DNM1: variants seen among roughly 807,000 people sequenced by gnomAD.
DNM1 encodes dynamin-1.
DNM1 carries 29 observed loss-of-function variants against 104.6 expected under a neutral mutation model. That is an observed-to-expected ratio of 0.28 (90% CI 0.21 to 0.38). The LOEUF is 0.38. DNM1 is among the 10% of genes least tolerant of loss of function. The pLI, the probability that DNM1 is intolerant of heterozygous loss-of-function variation, is 1.00. For synonymous variants in DNM1, 445 were observed against 475.8 expected, an observed-to-expected ratio of 0.94 and a Z score of 0.84; for missense variants, 640 against 1,189.4, an observed-to-expected ratio of 0.54 and a Z score of 6.79.
At chr9:128,237,938 C>T (rs1366804089) in intron 11 of DNM1, among the ~76,000 whole-genome samples, 1 of 152,036 alleles carries the variant, frequency 6.6e-6, no homozygotes, top group African/African-American at 2.4e-5. Flanking sequence ...CTACACCTGG[C>T]TAATTTTTCT....
intron 11 of DNM1, among the ~76,000 whole-genome samples, chr9:128,238,208 CTGTT>C (rs59218725): frequency 0.14 from 21,351 of 151,362 alleles, 1,669 homozygotes; most frequent in Admixed American, 0.24. Flanking sequence ...TAAAAAGCCT[CTGTT>C]TGTTTGTTTG....
At chr9:128,204,870 C>CA (rs1305614897) in intron 1 of DNM1, 2 of 152,298 alleles carry the variant, frequency 1.3e-5, no homozygotes, top group East Asian at 3.9e-4. Context: ...GGTTCTGCTG[C>CA]AAAACCTCAG....
At position 128,250,019 on chromosome 9, in the gene DNM1, G is replaced by C. The variant is rs1829416740; in HGVS notation, c.2077-96G>C. ...GCAGTGTAGGAGCCGCGTCTGAAAA[G>C]CCACACCAGCTCACAGTCCCAGCAG... On this transcript the variant is annotated intron_variant, in intron 19 of 21. Transcript: ENST00000372923. 6 of 1,586,188 alleles carry C rather than the reference G, an allele frequency of 3.8e-6. No homozygotes were observed. In the Admixed American group the frequency reaches 5.1e-5, roughly 13 times the overall value.
At chr9:128,246,733 T>A (rs113630498) in intron 16 of DNM1, among the ~76,000 whole-genome samples, 8,511 of 138,594 alleles carry the variant, frequency 0.061, 361 homozygotes, top group East Asian at 0.21. Flanking sequence ...CCTTCCTCCC[T>A]TCCTTCCTTC....
intron 10 of DNM1, among the ~76,000 whole-genome samples, chr9:128,229,346 C>T (rs1329108200): frequency 6.6e-6 from 1 of 151,452 alleles, no homozygotes; most frequent in Admixed American, 6.6e-5. Context: ...CACTGCACTC[C>T]TGGGTTATTT....
At position 128,253,174 on chromosome 9, in the gene DNM1, G is replaced by C. The variant is rs576593397; in HGVS notation, c.2535-1480G>C. On this transcript the variant is annotated intron_variant, in intron 21 of 21. Coordinates refer to ENST00000372923, the MANE Select transcript of DNM1 (RefSeq NM_004408.4). This position sits in a 1 kb window ranked among gnomAD's most constrained non-coding sequence, Gnocchi z 5.9. ...CCTCACCGCCTGCTGCATGAACGGT[G>C]TGTCTGCCCCGCTGCACTAGCTCCA... The C allele has an allele frequency of 6.3e-7, 1 of 1,596,288 alleles. No homozygotes were observed. The highest frequency in any genetic ancestry group is 2.2e-5 in the East Asian group (1 of 44,832).
chr9:128,211,192 C>T (rs572954208), intron 1 of DNM1, among the ~76,000 whole-genome samples: 1 of 150,448 alleles, frequency 6.6e-6, no homozygotes, highest in Non-Finnish European at 1.5e-5. Context: ...AGTTTCCTCC[C>T]TTGCCCCCTA....
At chr9:128,250,051 G>A in intron 19 of DNM1, 64 bp from the exon 20 acceptor site, 1 of 1,612,022 alleles carries the variant, frequency 6.2e-7, no homozygotes. Flanking sequence ...GCAGGGCCCG[G>A]TGGGGCGGCC....
At position 128,248,359 on chromosome 9, in the gene DNM1, G is replaced by C. The variant is rs559339653; in HGVS notation, c.1906-224G>C. 2 of 541,160 alleles carry C rather than the reference G, an allele frequency of 3.7e-6. No individual in the cohort carries two copies. The highest frequency in any genetic ancestry group is 3.8e-5 in the African/African-American group (2 of 53,002). 33.5% of individuals were successfully genotyped at this position (541,160 alleles called of 1,614,324 possible). A position where few individuals can be genotyped will look rare whatever the true frequency, so the allele number is the denominator to read the frequency against. ...ATAATAATTTCTGGATTGGGAAATT[G>C]AGGCAAATTCTAGGCACTAGAGTCA... On this transcript the variant is annotated intron_variant, in intron 18 of 21. Transcript: ENST00000372923. The surrounding 1 kb of genome is among the most constrained non-coding windows in gnomAD (Gnocchi z 5.6).
intron 4 of DNM1, 87 bp from the exon 5 acceptor site, chr9:128,219,901 G>C: frequency 9.3e-7 from 1 of 1,071,930 alleles, no homozygotes; most frequent in South Asian, 1.6e-5. Context: ...GGGGGCCGAG[G>C]AGAGCAGGGG....
intron 1 of DNM1, among the ~76,000 whole-genome samples, chr9:128,209,948 T>G (rs1056385163): frequency 6.6e-6 from 1 of 152,216 alleles, no homozygotes; most frequent in Non-Finnish European, 1.5e-5. Context: ...GACCCCTAAG[T>G]GTAAGTCTCA....
At chr9:128,242,036 T>G (rs1836400196) in intron 14 of DNM1, among the ~76,000 whole-genome samples, 196 bp from the exon 15 acceptor site, 1 of 152,202 alleles carries the variant, frequency 6.6e-6, no homozygotes, top group Admixed American at 6.5e-5. Flanking sequence ...CCTGAGCTGA[T>G]CTCTGCCTTC....
intron 1 of DNM1, among the ~76,000 whole-genome samples, chr9:128,211,535 G>T (rs1834302748): frequency 7.6e-6 from 1 of 131,478 alleles, no homozygotes; most frequent in Admixed American, 9.4e-5. Flanking sequence ...ACCCAGGCTG[G>T]TCTCAAACTT....
chr9:128,248,882 C>T lies in DNM1; in HGVS notation c.2076+129C>T, dbSNP rs1829329246. 4 of 988,188 alleles carry T rather than the reference C, an allele frequency of 4.0e-6. No homozygotes were observed. The highest frequency in any genetic ancestry group is 1.6e-5 in the South Asian group (1 of 63,938). The allele number at this position is 988,188 out of a possible 1,614,324, so 61.2% of individuals were successfully genotyped here. On this transcript the variant is annotated intron_variant, in intron 19 of 21. Coordinates refer to ENST00000372923, the MANE Select transcript of DNM1 (RefSeq NM_004408.4). This position sits in a 1 kb window ranked among gnomAD's most constrained non-coding sequence, Gnocchi z 5.6. ...CCAGGGAGGGAGGCACGGTCCAGACCAGAGCTGTCCAATAGAAATATCATG... is the reference window on the plus strand; with the variant it reads ...CCAGGGAGGGAGGCACGGTCCAGACTAGAGCTGTCCAATAGAAATATCATG...
chr9:128,232,470 G>A (rs1210687739), intron 10 of DNM1: 1 of 162,880 alleles, frequency 6.1e-6, no homozygotes, highest in South Asian at 1.6e-4. Flanking sequence ...CATCCCTCGT[G>A]TTGGCATCCT....
Position 128,222,303 on chromosome 9 carries a change from C to T in DNM1, c.956C>T (p.Pro319Leu), listed in dbSNP as rs373492406. The change falls in exon 7 of 22, where the codon CCT (proline) becomes CTT (leucine). Residue 319 changes from proline to leucine, a missense_variant. Physicochemically the swap from Pro to Leu is moderately conservative, Grantham distance 98 (BLOSUM62 -3). This residue lies in a region of DNM1 where 81 missense variants were observed against 99.8 expected (regional missense o/e 0.81). Transcript: ENST00000372923. This position sits in a 1 kb window ranked among gnomAD's most constrained non-coding sequence, Gnocchi z 7.8. Reference protein sequence around the residue: ...KEVEEYKNFRPDDPARKTKAL... With the variant: ...KEVEEYKNFRLDDPARKTKAL... ...GTGGAGGAATACAAGAACTTCCGCCCTGATGACCCAGCTCGCAAGACCAAG... is the reference window on the plus strand; with the variant it reads ...GTGGAGGAATACAAGAACTTCCGCCTTGATGACCCAGCTCGCAAGACCAAG... 3 of 1,614,086 alleles carry T rather than the reference C, an allele frequency of 1.9e-6. No homozygotes were observed. In the Admixed American group the frequency reaches 5.0e-5, roughly 27 times the overall value.
intron 1 of DNM1, among the ~76,000 whole-genome samples, chr9:128,212,108 G>A (rs1834337547): frequency 6.6e-6 from 1 of 152,208 alleles, no homozygotes; most frequent in Admixed American, 6.5e-5. Context: ...CCAGCACATG[G>A]CACGTGCTCA....
At position 128,222,987 on chromosome 9, in the gene DNM1, C is replaced by T; in HGVS notation, c.1196+127C>T. 1 of 935,316 alleles carries T rather than the reference C, an allele frequency of 1.1e-6. No individual in the cohort carries two copies. The highest frequency in any genetic ancestry group is 1.6e-6 in the Non-Finnish European group (1 of 614,154). The allele number at this position is 935,316 out of a possible 1,614,324, so 57.9% of individuals were successfully genotyped here. A position where few individuals can be genotyped will look rare whatever the true frequency, so the allele number is the denominator to read the frequency against. ...AAGCTCTGTTCCCCAGTCCTCTCGA[C>T]CCCAACTTTCTGGCTCCCTGCATGA... On this transcript the variant is annotated intron_variant, in intron 9 of 21. Transcript: ENST00000372923. This position sits in a 1 kb window ranked among gnomAD's most constrained non-coding sequence, Gnocchi z 7.8.
chr9:128,206,950 G>T (rs1012799290), intron 1 of DNM1, among the ~76,000 whole-genome samples: 1 of 152,026 alleles, frequency 6.6e-6, no homozygotes, highest in African/African-American at 2.4e-5. Flanking sequence ...TGGGCAGGGG[G>T]TAGTGGGGGG....
Sources: gnomAD v4.1 joint callset for allele counts (sites outside exome capture counted in the v4.1 genomes callset) on GRCh38, gnomAD v4.1.1 for gene constraint, gnomAD v4.1.1 regional missense constraint, Gnocchi (gnomAD v3.1) non-coding constraint, MANE v1.5 for transcripts, NCBI Gene and HGNC (gene_info 2026-07-23, HGNC 2026-07-21) for gene names.